Variants in LINGO2 observed in about 807,000 individuals in gnomAD.
The protein encoded by LINGO2 is leucine rich repeat and Ig domain containing 2.
LINGO2 carries 14 observed loss-of-function variants against 30.6 expected under a neutral mutation model. That is an observed-to-expected ratio of 0.46 (90% confidence interval 0.30 to 0.72). The LOEUF (loss-of-function observed/expected upper bound fraction) is 0.72, where lower values mean the gene tolerates loss of function less well. LINGO2 is among the 30% of genes least tolerant of loss of function. The probability of loss-of-function intolerance (pLI) is 0.07; values close to 1 mark genes in which losing one functional copy is unlikely to be tolerated. For synonymous variants in LINGO2, 317 were observed against 288.5 expected (o/e 1.10, Z -1.00); for missense variants, 729 against 751.7 (o/e 0.97, Z 0.35).
At chr9:28,411,663 A>G (rs1822769306) in intron 2 of LINGO2, among the ~76,000 whole-genome samples, 1 of 152,070 alleles carries the variant, frequency 6.6e-6, no homozygotes, top group African/African-American at 2.4e-5. Context: ...TTATCCATTC[A>G]TCTGTTGGTG....
chr9:28,857,621 C>G, the LINGO2 span, among the ~76,000 whole-genome samples: 1 of 151,974 alleles, frequency 6.6e-6, no homozygotes, highest in Non-Finnish European at 1.5e-5. Context: ...CTCACATAAG[C>G]ATTTGTCCTC....
chr9:28,782,070 C>T, the LINGO2 span, among the ~76,000 whole-genome samples: 1 of 152,014 alleles, frequency 6.6e-6, no homozygotes, highest in Non-Finnish European at 1.5e-5. Context: ...CTCAAGTTCC[C>T]TGCTTTGGAA....
the LINGO2 span, among the ~76,000 whole-genome samples, chr9:28,771,064 C>T: frequency 1.3e-5 from 2 of 152,164 alleles, no homozygotes; most frequent in African/African-American, 2.4e-5. Context: ...TACAAATTGT[C>T]TAACTACCTA....
chr9:28,797,291 C>T, the LINGO2 span, among the ~76,000 whole-genome samples: 1 of 129,818 alleles, frequency 7.7e-6, no homozygotes, highest in Non-Finnish European at 1.6e-5. Context: ...AATATATATG[C>T]ATATATATAC....
At chr9:28,135,990 C>A (rs998953813) in intron 4 of LINGO2, among the ~76,000 whole-genome samples, 1 of 152,122 alleles carries the variant, frequency 6.6e-6, no homozygotes, top group African/African-American at 2.4e-5. Context: ...CTAGCACAGT[C>A]AGCAGTGATA....
chr9:27,950,838 A>G (rs769488323), intron 5 of LINGO2, 132 bp from the exon 7 acceptor site: 300 of 432,418 alleles, frequency 6.9e-4, no homozygotes, highest in South Asian at 6.5e-4. Flanking sequence ...TTGGGCATAA[A>G]CCTGATGGAC....
At chr9:28,079,786 C>A (rs1482817898) in intron 4 of LINGO2, among the ~76,000 whole-genome samples, 1 of 152,158 alleles carries the variant, frequency 6.6e-6, no homozygotes, top group Non-Finnish European at 1.5e-5. Flanking sequence ...CATCTCTGAT[C>A]TCTAGCTTCC....
At chr9:29,085,022 A>G in the LINGO2 span, among the ~76,000 whole-genome samples, 8 of 151,772 alleles carry the variant, frequency 5.3e-5, no homozygotes, top group Non-Finnish European at 1.2e-4. Context: ...TTAGAAATTC[A>G]CTCACCTAAT....
chr9:29,130,276 A>G, the LINGO2 span, among the ~76,000 whole-genome samples: 1 of 152,182 alleles, frequency 6.6e-6, no homozygotes, highest in Non-Finnish European at 1.5e-5. Flanking sequence ...TAATGAAGTT[A>G]TAATGGTTAT....
chr9:28,506,463 TAC>T (rs1273172042), intron 1 of LINGO2, among the ~76,000 whole-genome samples: 1 of 20,856 alleles, frequency 4.8e-5, no homozygotes, highest in African/African-American at 8.6e-5. Flanking sequence ...CACATACACA[TAC>T]ACACACACAC....
chr9:28,477,771 G>A (rs757771599), intron 1 of LINGO2, among the ~76,000 whole-genome samples: 2 of 152,118 alleles, frequency 1.3e-5, no homozygotes, highest in Admixed American at 6.5e-5. Context: ...AATTCATAGC[G>A]TAAATCATCA....
chr9:27,958,756 TA>T (rs553710357), intron 5 of LINGO2, among the ~76,000 whole-genome samples: 28 of 149,770 alleles, frequency 1.9e-4, no homozygotes, highest in Admixed American at 4.6e-4. Context: ...TTGGAACGTA[TA>T]CCCTGTGGTT....
At chr9:28,897,714 T>A in the LINGO2 span, among the ~76,000 whole-genome samples, 1 of 152,104 alleles carries the variant, frequency 6.6e-6, no homozygotes, top group Non-Finnish European at 1.5e-5. Context: ...GTTATGAGGA[T>A]TAATTAAAAT....
chr9:28,994,710 C>T, the LINGO2 span, among the ~76,000 whole-genome samples: 1 of 152,014 alleles, frequency 6.6e-6, no homozygotes, highest in Non-Finnish European at 1.5e-5. Context: ...TCAGAAATAG[C>T]GCCGCATATC....
At chr9:28,412,970 T>A (rs1446829450) in intron 2 of LINGO2, among the ~76,000 whole-genome samples, 1 of 152,084 alleles carries the variant, frequency 6.6e-6, no homozygotes, top group Admixed American at 6.6e-5. Flanking sequence ...AGGGTAAAGA[T>A]CTTCATGATG....
intron 4 of LINGO2, among the ~76,000 whole-genome samples, chr9:28,054,952 C>T (rs920807074): frequency 2.6e-5 from 4 of 152,100 alleles, no homozygotes; most frequent in African/African-American, 7.2e-5. Context: ...GTCTTCTTTC[C>T]TCTTAAATGT....
At chr9:28,572,801 A>G (rs1471189300) in intron 1 of LINGO2, among the ~76,000 whole-genome samples, 1 of 152,174 alleles carries the variant, frequency 6.6e-6, no homozygotes, top group East Asian at 1.9e-4. Flanking sequence ...ATTGAATTCC[A>G]ATAACCTCTG....
At chr9:29,008,453 G>C in the LINGO2 span, among the ~76,000 whole-genome samples, 2 of 152,122 alleles carry the variant, frequency 1.3e-5, no homozygotes, top group African/African-American at 4.8e-5. Context: ...GTAATGGGAT[G>C]GCTGGGTCAA....
At chr9:29,169,648 G>A in the LINGO2 span, among the ~76,000 whole-genome samples, 1 of 152,204 alleles carries the variant, frequency 6.6e-6, no homozygotes, top group Non-Finnish European at 1.5e-5. Context: ...TGGCAAGGAT[G>A]TGGAGAAAAG....
Sources: allele counts gnomAD v4.1 joint callset (sites outside exome capture counted in the v4.1 genomes callset), GRCh38; gene constraint gnomAD v4.1.1; transcripts MANE v1.5; gene names NCBI Gene and HGNC (gene_info 2026-07-23, HGNC 2026-07-21).